The following EPHA7 variants were observed in gnomAD, a reference collection of about 807,000 sequenced individuals.
EPHA7 encodes the protein ephrin type-A receptor 7.
A neutral mutation model predicts 112.6 loss-of-function variants in EPHA7; 25 were observed. The observed-to-expected ratio is 0.22, with a 90% CI of 0.16 to 0.31. The LOEUF (loss-of-function observed/expected upper bound fraction) is 0.31. Among genes scored for constraint, EPHA7 ranks in the 10% least tolerant of loss-of-function variants. EPHA7 has a pLI of 1.00. For missense variants in EPHA7, 962 were observed against 1,212.6 expected (o/e 0.79, Z 3.07); for synonymous variants, 437 against 406.5 (o/e 1.07, Z -0.90).
Position 93,242,093 on chromosome 6 carries a change from C to G in EPHA7, c.*1333G>C, listed in dbSNP as rs369941405. ...TACATTCCTGCAATATCTATAAAGA[C>G]ACATTTAATTATTGCTTATGAAATT... On this transcript the variant is annotated 3_prime_UTR_variant, in exon 17 of 17. Coordinates refer to ENST00000369303, the MANE Select transcript of EPHA7 (RefSeq NM_004440.4). The G allele has an allele frequency of 1.3e-4, 26 of 198,668 alleles. 1 individual carries two copies. The East Asian group carries it at 1.7e-3, about 13-fold the overall frequency. The allele number at this position is 198,668 out of a possible 1,614,324, so 12.3% of individuals were successfully genotyped here.
At chr6:93,268,636 C>T (rs1449741783) in intron 7 of EPHA7, among the ~76,000 whole-genome samples, 3 of 151,656 alleles carry the variant, frequency 2.0e-5, no homozygotes, top group African/African-American at 7.3e-5. Flanking sequence ...GAAACATGTA[C>T]TGAGACATCA....
chr6:93,361,964 A>G (rs1776282761), intron 3 of EPHA7, among the ~76,000 whole-genome samples: 1 of 152,110 alleles, frequency 6.6e-6, no homozygotes, highest in Non-Finnish European at 1.5e-5. Flanking sequence ...ATTGATAAAA[A>G]TTAGGGATAT....
At chr6:93,337,127 G>C (rs1378077971) in intron 5 of EPHA7, among the ~76,000 whole-genome samples, 1 of 152,162 alleles carries the variant, frequency 6.6e-6, no homozygotes. Context: ...TATTGCTGCT[G>C]TGTTTTCAAA....
intron 5 of EPHA7, among the ~76,000 whole-genome samples, chr6:93,290,383 A>G (rs965769894): frequency 6.6e-6 from 1 of 152,104 alleles, no homozygotes; most frequent in Non-Finnish European, 1.5e-5. Context: ...CATATTCTCT[A>G]AAAATGAATT....
At chr6:93,296,464 TA>T (rs201544857) in intron 5 of EPHA7, among the ~76,000 whole-genome samples, 13,765 of 138,914 alleles carry the variant, frequency 0.099, 813 homozygotes, top group Non-Finnish European at 0.13. Context: ...AATATATATA[TA>T]TGTATATATA....
chr6:93,406,247 A>G (rs1323088744), intron 3 of EPHA7, among the ~76,000 whole-genome samples: 2 of 151,680 alleles, frequency 1.3e-5, no homozygotes, highest in Admixed American at 6.6e-5. Context: ...TCACATTTCT[A>G]TATTCTGATA....
At chr6:93,277,110 T>C (rs1222317522) in intron 5 of EPHA7, among the ~76,000 whole-genome samples, 1 of 152,078 alleles carries the variant, frequency 6.6e-6, no homozygotes, top group African/African-American at 2.4e-5. Flanking sequence ...TGCTCTTTCA[T>C]GGAACGCTTT....
intron 5 of EPHA7, among the ~76,000 whole-genome samples, chr6:93,305,705 A>G (rs907713098): frequency 7.9e-5 from 12 of 151,948 alleles, no homozygotes; most frequent in Admixed American, 1.3e-4. Flanking sequence ...AATGAAAACC[A>G]TAAGTAATTA....
chr6:93,379,073 A>T (rs895609435), intron 3 of EPHA7, among the ~76,000 whole-genome samples: 5 of 152,168 alleles, frequency 3.3e-5, no homozygotes, highest in Admixed American at 3.3e-4. Context: ...TTATATTAAC[A>T]TAAGTAATAC....
chr6:93,342,672 C>T (rs763402301), intron 5 of EPHA7, among the ~76,000 whole-genome samples: 8 of 151,552 alleles, frequency 5.3e-5, no homozygotes, highest in Non-Finnish European at 8.9e-5. Flanking sequence ...AGTGTAAGAA[C>T]AATAAAAAAT....
intron 9 of EPHA7, among the ~76,000 whole-genome samples, chr6:93,263,017 C>T (rs1043899398): frequency 1.3e-5 from 2 of 151,234 alleles, no homozygotes; most frequent in African/African-American, 4.8e-5. Context: ...AATTTATCTA[C>T]ACATGAGAAC....
chr6:93,404,636 TAC>T (rs1554191412), intron 3 of EPHA7, among the ~76,000 whole-genome samples: 1 of 145,084 alleles, frequency 6.9e-6, no homozygotes, highest in Admixed American at 7.0e-5. Context: ...TATATATATA[TAC>T]ACACATGTTT....
chr6:93,283,342 G>A (rs1771869344), intron 5 of EPHA7, among the ~76,000 whole-genome samples: 1 of 152,126 alleles, frequency 6.6e-6, no homozygotes. Flanking sequence ...AGACCAATCA[G>A]CAGGATGTGG....
intron 3 of EPHA7, among the ~76,000 whole-genome samples, chr6:93,369,610 C>G (rs1301338446): frequency 2.0e-5 from 3 of 152,200 alleles, no homozygotes; most frequent in Non-Finnish European, 2.9e-5. Context: ...AGAACAGTTT[C>G]ACTCAATACA....
chr6:93,320,540 A>G (rs1774017616), intron 5 of EPHA7, among the ~76,000 whole-genome samples: 1 of 151,958 alleles, frequency 6.6e-6, no homozygotes. Flanking sequence ...CATATTTACT[A>G]AATTTACTTA....
At chr6:93,282,808 A>AT in intron 5 of EPHA7, among the ~76,000 whole-genome samples, 1 of 151,844 alleles carries the variant, frequency 6.6e-6, no homozygotes, top group Admixed American at 6.6e-5. Flanking sequence ...GCTGTGGTCG[A>AT]TTTCTCCCCC....
At position 93,419,283 on chromosome 6, in the gene EPHA7, C is replaced by T. The variant is rs1198612981; in HGVS notation, c.59G>A (p.Arg20His). The T allele has an allele frequency of 1.2e-6, 2 of 1,613,964 alleles. No individual in the cohort carries two copies. Among genetic ancestry groups the T allele is most frequent in the African/African-American group, 1.3e-5 (1 of 74,936 alleles). Residue 20 changes from arginine (R) to histidine (H), a missense_variant, in exon 1 of 17, where the codon CGC (arginine) becomes CAC (histidine). Arg to His is a conservative substitution (Grantham distance 29). Coordinates refer to ENST00000369303, the MANE Select transcript of EPHA7 (RefSeq NM_004440.4). Reference protein sequence around the residue: ...WIILCYIWLLRFAHTGEAQAA... With the variant: ...WIILCYIWLLHFAHTGEAQAA... ...CTGCGCCTCCCCTGTGTGTGCAAAG[C>T]GGAGCAGCCAGATGTAGCATAAAAT...
At chr6:93,350,823 G>C (rs1275537870) in intron 5 of EPHA7, among the ~76,000 whole-genome samples, 1 of 151,868 alleles carries the variant, frequency 6.6e-6, no homozygotes, top group East Asian at 1.9e-4. Flanking sequence ...AGTTAAACCA[G>C]GGTCAATCTG....
intron 5 of EPHA7, among the ~76,000 whole-genome samples, chr6:93,327,159 T>G (rs1477609720): frequency 6.6e-6 from 1 of 151,602 alleles, no homozygotes; most frequent in African/African-American, 2.4e-5. Context: ...AGACTCATAC[T>G]GAATTGATTA....
Sources: gnomAD v4.1 joint callset for allele counts (sites outside exome capture counted in the v4.1 genomes callset) on GRCh38, gnomAD v4.1.1 for gene constraint, MANE v1.5 for transcripts, NCBI Gene and HGNC (gene_info 2026-07-23, HGNC 2026-07-21) for gene names.